The following MGAT4C variants were observed in gnomAD, a reference collection of about 807,000 sequenced individuals.
The protein encoded by MGAT4C is alpha-1,3-mannosyl-glycoprotein 4-beta-N-acetylglucosaminyltransferase C.
MGAT4C carries 19 observed loss-of-function variants against 40.1 expected under a neutral mutation model. The ratio of observed to expected loss-of-function variants is 0.47; its 90% confidence interval spans 0.33 to 0.70. The LOEUF (loss-of-function observed/expected upper bound fraction) is 0.70. Among genes scored for constraint, MGAT4C ranks in the 30% least tolerant of loss-of-function variants. The pLI, the probability that MGAT4C is intolerant of heterozygous loss-of-function variation, is 0.02. For missense variants in MGAT4C, 491 were observed against 563.2 expected (o/e 0.87, Z 1.30); for synonymous variants, 181 against 187.1 (o/e 0.97, Z 0.27).
intron 3 of MGAT4C, among the ~76,000 whole-genome samples, chr12:86,363,340 A>G (rs1208293985): frequency 6.6e-6 from 1 of 152,152 alleles, no homozygotes; most frequent in African/African-American, 2.4e-5. Flanking sequence ...GTATTTGGAA[A>G]TTAAACAACA....
At chr12:86,832,242 C>T (rs922812675) in intron 1 of MGAT4C, among the ~76,000 whole-genome samples, 7 of 151,700 alleles carry the variant, frequency 4.6e-5, no homozygotes, top group African/African-American at 1.5e-4. Context: ...AGTCTACTCC[C>T]TGTGTATTAG....
intron 1 of MGAT4C, among the ~76,000 whole-genome samples, chr12:86,833,863 C>T (rs1952980687): frequency 6.6e-6 from 1 of 151,732 alleles, no homozygotes; most frequent in Non-Finnish European, 1.5e-5. Context: ...CTAGTGCCTC[C>T]TTTACTATTT....
intron 1 of MGAT4C, among the ~76,000 whole-genome samples, chr12:86,164,369 G>A (rs565100734): frequency 2.6e-5 from 4 of 152,198 alleles, no homozygotes; most frequent in Admixed American, 6.5e-5. Context: ...AAACTGAAAC[G>A]CATGTATTTT....
Position 86,442,966 on chromosome 12 carries a change from C to T in MGAT4C, c.-228-7701G>A, listed in dbSNP as rs187715587. Among the ~76,000 whole-genome samples, 29 of 151,964 alleles carry T rather than the reference C, an allele frequency of 1.9e-4. No individual in the cohort carries two copies. The South Asian group carries it at 4.6e-3, about 24-fold the overall frequency. ...GCTCAGATAATACTCAAGTTTTTAG[C>T]GATAAGGTATTTTTAAATTAAGTTG... On this transcript the variant is annotated intron_variant, in intron 2 of 7. Coordinates refer to the MGAT4C transcript ENST00000548651.
intron 3 of MGAT4C, among the ~76,000 whole-genome samples, chr12:86,341,291 TCTC>T (rs1252922761): frequency 6.6e-6 from 1 of 152,088 alleles, no homozygotes; most frequent in Non-Finnish European, 1.5e-5. Flanking sequence ...GGTCAAAAGA[TCTC>T]CTTGTGAACC....
intron 2 of MGAT4C, among the ~76,000 whole-genome samples, chr12:86,547,809 A>G (rs895426149): frequency 9.9e-5 from 15 of 152,132 alleles, no homozygotes; most frequent in African/African-American, 2.9e-4. Flanking sequence ...ACAGACAAAC[A>G]TATTCCCTAT....
chr12:86,464,857 C>T (rs956430192), intron 2 of MGAT4C, among the ~76,000 whole-genome samples: 1 of 151,886 alleles, frequency 6.6e-6, no homozygotes, highest in Non-Finnish European at 1.5e-5. Context: ...AAGCGTATGA[C>T]TTCTATGTAA....
chr12:86,232,957 A>G (rs568236717), intron 1 of MGAT4C, among the ~76,000 whole-genome samples: 5 of 152,322 alleles, frequency 3.3e-5, no homozygotes, highest in South Asian at 4.1e-4. Context: ...CAGTCAGTAA[A>G]TGGCATTTCC....
chr12:86,100,272 TG>T (rs1874732896), intron 1 of MGAT4C, among the ~76,000 whole-genome samples: 1 of 151,526 alleles, frequency 6.6e-6, no homozygotes, highest in South Asian at 2.1e-4. Flanking sequence ...CACTCTTTCC[TG>T]TTTTTGCTTT....
intron 4 of MGAT4C, among the ~76,000 whole-genome samples, chr12:86,270,676 A>T (rs904356926): frequency 1.3e-5 from 2 of 152,208 alleles, no homozygotes; most frequent in African/African-American, 4.8e-5. Context: ...CAATTTAAAA[A>T]TTTATATGTA....
intron 2 of MGAT4C, among the ~76,000 whole-genome samples, chr12:86,673,831 AAC>A (rs1491057485): frequency 1.3e-5 from 2 of 151,996 alleles, no homozygotes; most frequent in Non-Finnish European, 2.9e-5. Flanking sequence ...GAGAAAAAAA[AAC>A]ATTATCAATT....
chr12:86,098,104 C>T (rs1443898763), intron 1 of MGAT4C, among the ~76,000 whole-genome samples: 1 of 151,636 alleles, frequency 6.6e-6, no homozygotes, highest in Non-Finnish European at 1.5e-5. Context: ...ATTTCCTGTA[C>T]TCAAGTCATA....
rs1883981685 is a variant in MGAT4C at position 85,976,338 on chromosome 12, T to C, written c.*2951A>G. On this transcript the variant is annotated 3_prime_UTR_variant, in exon 5 of 5. Coordinates refer to ENST00000611864, the MANE Select transcript of MGAT4C (RefSeq NM_001351288.2). ...TGAAAAAGTTCTTGCATTAACATAT[T>C]TTATGTATCTTTTATATTGACATTT... 1.3e-5 allele frequency: 2 copies of C among 151,010 alleles called. No individual in the cohort carries two copies. Among genetic ancestry groups the C allele is most frequent in the South Asian group, 4.1e-4 (2 of 4,828 alleles). The allele number at this position is 151,010 out of a possible 1,614,324, so 9.4% of individuals were successfully genotyped here. A position where few individuals can be genotyped will look rare whatever the true frequency, so the allele number is the denominator to read the frequency against.
At chr12:86,648,285 C>T (rs1158751790) in intron 2 of MGAT4C, among the ~76,000 whole-genome samples, 3 of 151,906 alleles carry the variant, frequency 2.0e-5, no homozygotes, top group African/African-American at 7.2e-5. Flanking sequence ...TACCTACCAA[C>T]TTCACTTGAC....
intron 2 of MGAT4C, among the ~76,000 whole-genome samples, chr12:86,464,953 T>C (rs1389398393): frequency 6.6e-6 from 1 of 152,138 alleles, no homozygotes; most frequent in Non-Finnish European, 1.5e-5. Flanking sequence ...TTTGTTGGGT[T>C]GTTCTAGAAA....
chr12:85,997,241 C>G (rs557748949), intron 2 of MGAT4C, among the ~76,000 whole-genome samples: 1 of 152,244 alleles, frequency 6.6e-6, no homozygotes, highest in South Asian at 2.1e-4. Flanking sequence ...GAGAACAGCA[C>G]AAGAAAGACC....
intron 1 of MGAT4C, among the ~76,000 whole-genome samples, chr12:86,815,005 G>T (rs991994606): frequency 6.6e-6 from 1 of 151,978 alleles, no homozygotes; most frequent in Non-Finnish European, 1.5e-5. Context: ...TGAAAAAAAT[G>T]AGACTCTTTA....
chr12:86,730,948 T>C (rs1006331647), intron 1 of MGAT4C, among the ~76,000 whole-genome samples: 2 of 152,106 alleles, frequency 1.3e-5, no homozygotes, highest in African/African-American at 4.8e-5. Context: ...CAGCTATCAT[T>C]AATGCCACTC....
intron 2 of MGAT4C, among the ~76,000 whole-genome samples, chr12:86,518,130 G>A (rs1041797435): frequency 1.3e-5 from 2 of 152,144 alleles, no homozygotes; most frequent in Non-Finnish European, 2.9e-5. Context: ...TTAAAATAAT[G>A]AGTCAGACTG....
Sources: allele counts gnomAD v4.1 joint callset (sites outside exome capture counted in the v4.1 genomes callset), GRCh38; gene constraint gnomAD v4.1.1; transcripts MANE v1.5; gene names NCBI Gene and HGNC (gene_info 2026-07-23, HGNC 2026-07-21).